The following ELOB variants were observed in gnomAD, a reference collection of about 807,000 sequenced individuals.
The protein encoded by ELOB is elongin-B.
In ELOB, 3 loss-of-function variants were observed where a neutral mutation model predicts 12.9. That is an observed-to-expected ratio of 0.23 (90% CI 0.11 to 0.60). The LOEUF is 0.60. Among genes scored for constraint, ELOB ranks in the 20% least tolerant of loss-of-function variants. The pLI is 0.89. For missense variants in ELOB, 126 were observed against 159.2 expected, an observed-to-expected ratio of 0.79 and a Z score of 1.12; for synonymous variants, 84 against 67.4, an observed-to-expected ratio of 1.25 and a Z score of -1.21.
chr16:2,772,241 G>A (rs920410027), intron 3 of ELOB, 139 bp from the exon 4 acceptor site: 62 of 1,025,522 alleles, frequency 6.0e-5, no homozygotes, highest in Admixed American at 1.0e-4. Flanking sequence ...TCTCCACAGC[G>A]CTGACCTCCC....
intron 2 of ELOB, among the ~76,000 whole-genome samples, chr16:2,776,047 C>T (rs772703012): frequency 5.9e-5 from 9 of 152,292 alleles, no homozygotes; most frequent in East Asian, 1.9e-4. Flanking sequence ...CATGCCACCA[C>T]GGCTGGCTGG....
At chr16:2,772,259 GCTACCCCCGTGGCCCCACGGTAATGTCTC>G (rs2068763717) in intron 3 of ELOB, 157 bp from the exon 4 acceptor site, 5 of 868,974 alleles carry the variant, frequency 5.8e-6, no homozygotes, top group South Asian at 4.6e-5. Flanking sequence ...CCCTGTTCCA[GCTACCCCCGTGGCCCCACGGTAATGTCTC>G]CTACCCCTGT....
intron 2 of ELOB, 38 bp from the exon 3 acceptor site, chr16:2,775,594 T>G: frequency 6.5e-7 from 1 of 1,549,326 alleles, no homozygotes; most frequent in South Asian, 1.1e-5. Flanking sequence ...AGGCCCTACA[T>G]GGGGCAAGTC....
At chr16:2,777,197 C>T (rs2068807107) in intron 1 of ELOB, 40 bp downstream of exon 1, 2 of 997,734 alleles carry the variant, frequency 2.0e-6, no homozygotes, top group African/African-American at 3.5e-5. Context: ...CCCCGCCGCC[C>T]CCGGCCCGGC....
At chr16:2,772,981 G>A (rs1053753118) in intron 3 of ELOB, among the ~76,000 whole-genome samples, 4 of 152,012 alleles carry the variant, frequency 2.6e-5, no homozygotes, top group South Asian at 2.1e-4. Context: ...TCCAGTCCAC[G>A]CACCCCCAAA....
In ELOB at chr16:2,771,478, C is replaced by T. The variant is rs2150782728; in HGVS notation, c.*512G>A. On this transcript the variant is annotated 3_prime_UTR_variant, in exon 4 of 4. Coordinates refer to ENST00000409906, the MANE Select transcript of ELOB (RefSeq NM_007108.4). Reference sequence around the variant, plus strand: ...CAGCCACTTCCCTCCGTGATTACAGCCCCCAGCGTGGGTGGACCTGTGTGG... The same window carrying T: ...CAGCCACTTCCCTCCGTGATTACAGTCCCCAGCGTGGGTGGACCTGTGTGG... 2.5e-6 allele frequency: 4 copies of T among 1,614,184 alleles called. No individual in the cohort carries two copies. Among genetic ancestry groups the T allele is most frequent in the Non-Finnish European group, 3.4e-6 (4 of 1,180,020 alleles).
intron 2 of ELOB, 181 bp from the exon 3 acceptor site, chr16:2,775,737 C>G (rs1312941181): frequency 1.2e-5 from 6 of 497,704 alleles, no homozygotes; most frequent in African/African-American, 9.9e-5. Flanking sequence ...ACTTCTAAAT[C>G]AAAACCTCCC....
chr16:2,771,810 A>C lies in ELOB; in HGVS notation c.*180T>G. ...TGCCTTTAAGCAGCAGGCTGGGCCA[A>C]GTTCTCAGCCAGGGTCTCAGGATCT... On this transcript the variant is annotated 3_prime_UTR_variant, in exon 4 of 4. Transcript: ENST00000409906. The C allele has an allele frequency of 6.9e-7, 1 of 1,451,914 alleles. No homozygotes were observed. The highest frequency in any genetic ancestry group is 1.5e-5 in the South Asian group (1 of 68,484). The allele number at this position is 1,451,914 out of a possible 1,614,324, so 89.9% of individuals were successfully genotyped here. A position where few individuals can be genotyped will look rare whatever the true frequency, so the allele number is the denominator to read the frequency against.
Position 2,771,870 on chromosome 16 carries a change from A to G in ELOB, c.*120T>C, listed in dbSNP as rs572757910. The G allele has an allele frequency of 1.4e-6, 2 of 1,467,730 alleles. No individual in the cohort carries two copies. Among genetic ancestry groups the G allele is most frequent in the Non-Finnish European group, 1.8e-6 (2 of 1,109,082 alleles). 90.9% of individuals were successfully genotyped at this position (1,467,730 alleles called of 1,614,324 possible). Reference sequence around the variant, plus strand: ...GACAGCACAGGAACTGCCAAGCACAAGCCCCAAAAGGAGCCCACAGGGAGT... The same window carrying G: ...GACAGCACAGGAACTGCCAAGCACAGGCCCCAAAAGGAGCCCACAGGGAGT... On this transcript the variant is annotated 3_prime_UTR_variant, in exon 4 of 4. Coordinates refer to ENST00000409906, the MANE Select transcript of ELOB (RefSeq NM_007108.4).
rs4036 is a variant in ELOB, at chr16:2,771,524, G to C, written c.*466C>G. On this transcript the variant is annotated 3_prime_UTR_variant, in exon 4 of 4. Transcript: ENST00000409906. Reference sequence around the variant, plus strand: ...TGTGGGTCCGTCTTGGGGTTCCCTCGTTGAACATGCTGTCAAACCAGGACA... The same window carrying C: ...TGTGGGTCCGTCTTGGGGTTCCCTCCTTGAACATGCTGTCAAACCAGGACA... The C allele has an allele frequency of 1.9e-6, 3 of 1,613,900 alleles. No homozygotes were observed. The African/African-American group carries it at 4.0e-5, about 22-fold the overall frequency.
intron 3 of ELOB, among the ~76,000 whole-genome samples, chr16:2,773,484 TACTC>T (rs1470758406): frequency 6.6e-6 from 1 of 152,146 alleles, no homozygotes; most frequent in Non-Finnish European, 1.5e-5. Context: ...TGATTTGAAA[TACTC>T]ATCTCCTTGA....
At chr16:2,775,357 G>T in intron 3 of ELOB, 94 bp downstream of exon 3, 1 of 799,816 alleles carries the variant, frequency 1.3e-6, no homozygotes, top group South Asian at 1.8e-5. Context: ...CTGCCCTGAA[G>T]GCTTCAACTC....
intron 3 of ELOB, among the ~76,000 whole-genome samples, chr16:2,774,272 C>A (rs1245065738): frequency 6.6e-6 from 1 of 152,222 alleles, no homozygotes; most frequent in African/African-American, 2.4e-5. Context: ...CAAGGCACGA[C>A]CTGTGTCTAT....
chr16:2,775,750 G>A (rs1018955609), intron 2 of ELOB, 194 bp from the exon 3 acceptor site: 38 of 469,954 alleles, frequency 8.1e-5, no homozygotes, highest in African/African-American at 7.4e-4. Flanking sequence ...AACCTCCCAG[G>A]GTGGGACTTT....
rs548362659 is a variant in ELOB, at chr16:2,773,959, G to A, written c.244+1492C>T. ...GACAGGCACCCCTGGGCCAGGCACC[G>A]AGGCTCAGGCCTGTAATCCCAGCAC... is the stretch of plus-strand genomic sequence containing the variant. On this transcript the variant is annotated intron_variant, in intron 3 of 3. Coordinates refer to ENST00000409906, the MANE Select transcript of ELOB (RefSeq NM_007108.4). Among the ~76,000 whole-genome samples the A allele has an allele frequency of 3.9e-5, 6 of 152,324 alleles. No homozygotes were observed. In the East Asian group the frequency reaches 7.7e-4, roughly 20 times the overall value.
Position 2,771,644 on chromosome 16 carries a change from A to T in ELOB, c.*346T>A, listed in dbSNP as rs1258145137. ...GGCACTTAGAAGGAGAAAGGCCTAAAACTGGAATCTCTTGTCCCTGAGGCT... is the reference window on the plus strand; with the variant it reads ...GGCACTTAGAAGGAGAAAGGCCTAATACTGGAATCTCTTGTCCCTGAGGCT... On this transcript the variant is annotated 3_prime_UTR_variant, in exon 4 of 4. Coordinates refer to ENST00000409906, the MANE Select transcript of ELOB (RefSeq NM_007108.4). The T allele has an allele frequency of 6.2e-7, 1 of 1,612,938 alleles. No homozygotes were observed. Among genetic ancestry groups the T allele is most frequent in the South Asian group, 1.1e-5 (1 of 91,016 alleles).
In ELOB at chr16:2,771,710, C is replaced by A; in HGVS notation, c.*280G>T. ...GTCTCTCCCAGTCCTTCCCTTTCCT[C>A]CCCCTGGCGTGGTTGGTGTGGCTGG... On this transcript the variant is annotated 3_prime_UTR_variant, in exon 4 of 4. Coordinates refer to ENST00000409906, the MANE Select transcript of ELOB (RefSeq NM_007108.4). The A allele has an allele frequency of 6.4e-7, 1 of 1,566,042 alleles. No homozygotes were observed. Among genetic ancestry groups the A allele is most frequent in the Non-Finnish European group, 8.6e-7 (1 of 1,158,032 alleles).
Position 2,777,241 on chromosome 16 carries a change from G to T in ELOB, c.-2C>A. On this transcript the variant is annotated 5_prime_UTR_variant, in exon 1 of 4. Transcript: ENST00000409906. ...CCCTCCCCCACGCCCGCTCACCATCGCGGCTGCTGCCTCTCCCCTCGACGC... is the reference window on the plus strand; with the variant it reads ...CCCTCCCCCACGCCCGCTCACCATCTCGGCTGCTGCCTCTCCCCTCGACGC... 3 of 1,017,336 alleles carry T rather than the reference G, an allele frequency of 2.9e-6. No individual in the cohort carries two copies. Among genetic ancestry groups the T allele is most frequent in the Non-Finnish European group, 2.3e-6 (2 of 851,370 alleles). 63.0% of individuals were successfully genotyped at this position (1,017,336 alleles called of 1,614,324 possible).
intron 1 of ELOB, 34 bp from the exon 2 acceptor site, chr16:2,777,161 C>A (rs377483102): frequency 3.2e-6 from 4 of 1,253,336 alleles, no homozygotes; most frequent in East Asian, 8.9e-5. Context: ...GCACGAAGCC[C>A]GGGCCCCCCG....
Sources: gnomAD v4.1 joint callset for allele counts (sites outside exome capture counted in the v4.1 genomes callset) on GRCh38, gnomAD v4.1.1 for gene constraint, MANE v1.5 for transcripts, NCBI Gene and HGNC (gene_info 2026-07-23, HGNC 2026-07-21) for gene names.